The following TENM2 variants were observed in gnomAD, a reference collection of about 807,000 sequenced individuals.
TENM2 encodes teneurin-2.
TENM2 carries 52 observed loss-of-function variants against 245.2 expected under a neutral mutation model. That is an observed-to-expected ratio of 0.21 (90% CI 0.17 to 0.27). TENM2 has a LOEUF of 0.27. Among genes scored for constraint, TENM2 ranks in the 10% least tolerant of loss-of-function variants. The pLI is 1.00. For missense variants in TENM2, 3,046 were observed against 3,666.8 expected (o/e 0.83, Z 4.37); for synonymous variants, 1,363 against 1,438.9 (o/e 0.95, Z 1.19).
At chr5:168,140,005 T>C (rs1755396571) in intron 12 of TENM2, among the ~76,000 whole-genome samples, 2 of 152,238 alleles carry the variant, frequency 1.3e-5, no homozygotes, top group Non-Finnish European at 2.9e-5. Context: ...CATCTGTGAC[T>C]ACTGACACCT....
chr5:168,094,378 C>G (rs936580066), intron 8 of TENM2, among the ~76,000 whole-genome samples: 4 of 152,006 alleles, frequency 2.6e-5, no homozygotes, highest in Admixed American at 6.6e-5. Context: ...GAACAGGGAG[C>G]CTTGACCTCA....
chr5:167,624,867 G>A (rs1233093435), intron 2 of TENM2, among the ~76,000 whole-genome samples: 2 of 152,124 alleles, frequency 1.3e-5, no homozygotes, highest in African/African-American at 4.8e-5. Flanking sequence ...TAGGTGAAGT[G>A]TTTATCTGTA....
At chr5:167,976,121 C>G (rs1039378973) in intron 4 of TENM2, among the ~76,000 whole-genome samples, 2 of 152,110 alleles carry the variant, frequency 1.3e-5, no homozygotes, top group African/African-American at 4.8e-5. Context: ...CATTTATATA[C>G]CTTCCTCTTT....
At chr5:167,517,570 C>T (rs1562020388) in intron 2 of TENM2, among the ~76,000 whole-genome samples, 1 of 152,140 alleles carries the variant, frequency 6.6e-6, no homozygotes, top group Admixed American at 6.5e-5. Context: ...TGTAATCCAA[C>T]AGCGTTATCT....
At chr5:168,167,107 T>C (rs1348876887) in intron 13 of TENM2, among the ~76,000 whole-genome samples, 1 of 151,838 alleles carries the variant, frequency 6.6e-6, no homozygotes, top group Non-Finnish European at 1.5e-5. Flanking sequence ...TCACCCCAAT[T>C]TGAAAAAGAA....
chr5:167,993,189 C>T lies in TENM2; in HGVS notation c.1186+7C>T, dbSNP rs573044779. The T allele has an allele frequency of 6.2e-7, 1 of 1,611,544 alleles. No homozygotes were observed. Among genetic ancestry groups the T allele is most frequent in the South Asian group, 1.1e-5 (1 of 90,952 alleles). On this transcript the variant is annotated splice_region_variant and intron_variant, in intron 5 of 28. Transcript: ENST00000518659. ...TTGCTGGCGTATTTCATAGGTAAGT[C>T]AGGGCAGCCTTATTCAGCAACGCTG...
chr5:167,899,583 T>C (rs947925218), intron 3 of TENM2, among the ~76,000 whole-genome samples: 1 of 152,110 alleles, frequency 6.6e-6, no homozygotes, highest in African/African-American at 2.4e-5. Context: ...GTTACACAGA[T>C]AAAACGTGGT....
chr5:167,403,963 G>C (rs11750839), intron 2 of TENM2, among the ~76,000 whole-genome samples: 24 of 150,710 alleles, frequency 1.6e-4, no homozygotes, highest in African/African-American at 5.9e-4. Context: ...TCTTCTTTAA[G>C]TGATATACAC....
intron 1 of TENM2, among the ~76,000 whole-genome samples, chr5:167,291,918 G>A (rs1754662294): frequency 6.6e-6 from 1 of 152,092 alleles, no homozygotes; most frequent in Non-Finnish European, 1.5e-5. Context: ...AATTTATAAG[G>A]AAAAAGAGGT....
At chr5:167,711,554 A>G (rs1195140037) in intron 2 of TENM2, among the ~76,000 whole-genome samples, 1 of 152,120 alleles carries the variant, frequency 6.6e-6, no homozygotes, top group East Asian at 1.9e-4. Flanking sequence ...GGCCTTTCAC[A>G]ATGCCCACCT....
At chr5:167,791,530 G>A (rs1014906451) in intron 2 of TENM2, among the ~76,000 whole-genome samples, 2 of 120,860 alleles carry the variant, frequency 1.7e-5, no homozygotes, top group African/African-American at 3.1e-5. Context: ...TATATATAAT[G>A]TATATTTTTA....
chr5:167,622,370 C>G (rs1778233067), intron 2 of TENM2, among the ~76,000 whole-genome samples: 1 of 152,038 alleles, frequency 6.6e-6, no homozygotes, highest in Admixed American at 6.6e-5. Context: ...CCCGCATAAA[C>G]CAACTTTTTT....
At chr5:167,227,355 A>T in the TENM2 span, among the ~76,000 whole-genome samples, 1 of 152,068 alleles carries the variant, frequency 6.6e-6, no homozygotes, top group African/African-American at 2.4e-5. Flanking sequence ...TTTATCAGTA[A>T]GTTTTATACT....
intron 2 of TENM2, among the ~76,000 whole-genome samples, chr5:167,717,619 GAGTA>G (rs765498197): frequency 2.0e-5 from 3 of 151,848 alleles, no homozygotes; most frequent in Non-Finnish European, 4.4e-5. Context: ...TTGGCTTCTT[GAGTA>G]AGTGTTTTCC....
At chr5:167,195,357 C>A in the TENM2 span, among the ~76,000 whole-genome samples, 2 of 151,958 alleles carry the variant, frequency 1.3e-5, no homozygotes, top group South Asian at 4.1e-4. Flanking sequence ...TTCTTTCAGA[C>A]AGAAAAGTTG....
the TENM2 span, among the ~76,000 whole-genome samples, chr5:167,054,582 T>C: frequency 3.9e-5 from 6 of 152,236 alleles, no homozygotes; most frequent in African/African-American, 1.2e-4. Context: ...GGTAAAAGTA[T>C]ATTTAGTTAT....
intron 6 of TENM2, among the ~76,000 whole-genome samples, chr5:168,058,169 C>T (rs1367060559): frequency 3.9e-5 from 6 of 152,214 alleles, no homozygotes; most frequent in Non-Finnish European, 7.3e-5. Flanking sequence ...TAGACCGCAG[C>T]ACATCCATTT....
chr5:167,736,220 T>C (rs1712612564), intron 2 of TENM2, among the ~76,000 whole-genome samples: 1 of 152,052 alleles, frequency 6.6e-6, no homozygotes, highest in South Asian at 2.1e-4. Context: ...TCAGATCTCA[T>C]GAGAACTCAC....
At chr5:168,072,987 G>C in intron 7 of TENM2, among the ~76,000 whole-genome samples, 1 of 152,136 alleles carries the variant, frequency 6.6e-6, no homozygotes, top group African/African-American at 2.4e-5. Context: ...AGTGATTCCT[G>C]TCTCCTCCCC....
Sources: allele counts gnomAD v4.1 joint callset (sites outside exome capture counted in the v4.1 genomes callset), GRCh38; gene constraint gnomAD v4.1.1; transcripts MANE v1.5; gene names NCBI Gene and HGNC (gene_info 2026-07-23, HGNC 2026-07-21).